BABAM2: variants seen among roughly 807,000 people sequenced by gnomAD.
BABAM2 encodes the protein BRISC and BRCA1 A complex member 2.
In BABAM2, 31 loss-of-function variants were observed where a neutral mutation model predicts 54.7. The observed-to-expected ratio is 0.57, with a 90% confidence interval of 0.43 to 0.77. The LOEUF (loss-of-function observed/expected upper bound fraction) is 0.77. Ranked by LOEUF, BABAM2 falls within the 30% of genes least tolerant of loss-of-function variation. BABAM2 has a pLI of 0.00. For synonymous variants in BABAM2, 167 were observed against 162.9 expected, an observed-to-expected ratio of 1.03 and a Z score of -0.19; for missense variants, 364 against 455.8, an observed-to-expected ratio of 0.80 and a Z score of 1.83.
At chr2:28,169,502 TG>T (rs1674079768) in intron 7 of BABAM2, among the ~76,000 whole-genome samples, 1 of 152,000 alleles carries the variant, frequency 6.6e-6, no homozygotes. Context: ...CCAGGCCAGG[TG>T]GGGTGGCTTA....
chr2:28,071,613 A>C (rs867709046), intron 6 of BABAM2, among the ~76,000 whole-genome samples: 10 of 152,188 alleles, frequency 6.6e-5, no homozygotes, highest in African/African-American at 2.4e-4. Flanking sequence ...TAATTTTATC[A>C]TTCTCTTTTC....
chr2:27,971,260 A>C (rs1250117749), intron 3 of BABAM2, among the ~76,000 whole-genome samples: 1 of 152,158 alleles, frequency 6.6e-6, no homozygotes, highest in African/African-American at 2.4e-5. Flanking sequence ...TGTCAGTGAT[A>C]GTACTTAACA....
chr2:28,315,679 G>A (rs2148293830), intron 11 of BABAM2, among the ~76,000 whole-genome samples: 1 of 149,998 alleles, frequency 6.7e-6, no homozygotes, highest in South Asian at 2.1e-4. Context: ...TTTTTTTAGA[G>A]GTGGAGTCTC....
Position 28,025,408 on chromosome 2 carries a change from A to G in BABAM2, c.483A>G (p.Lys161=), listed in dbSNP as rs1675580530. 6.4e-7 allele frequency: 1 copy of G among 1,571,396 alleles called. No homozygotes were observed. The highest frequency in any genetic ancestry group is 1.4e-5 in the African/African-American group (1 of 72,250). ...YGENMEIYAG[K]KNNWTGEFSA... is the part of the protein sequence containing the mutation. Reference sequence around the variant, plus strand: ...AGAACATGGAAATTTATGCTGGGAAAAAAAACAACTGGGTAAGGATTTTTG... The same window carrying G: ...AGAACATGGAAATTTATGCTGGGAAGAAAAACAACTGGGTAAGGATTTTTG... The change falls in exon 5 of 12, where the codon AAA becomes AAG. Residue 161 remains lysine (K), a synonymous_variant. Coordinates refer to ENST00000379624, the MANE Select transcript of BABAM2 (RefSeq NM_199191.3).
chr2:28,004,951 G>A (rs1016218639), intron 4 of BABAM2, among the ~76,000 whole-genome samples: 6 of 152,110 alleles, frequency 3.9e-5, no homozygotes. Context: ...TTTTTAAAAA[G>A]CAAAATGTGT....
At chr2:28,225,307 G>A (rs972696274) in intron 7 of BABAM2, among the ~76,000 whole-genome samples, 10 of 152,206 alleles carry the variant, frequency 6.6e-5, no homozygotes, top group Non-Finnish European at 1.5e-4. Flanking sequence ...AGGGAGGAAG[G>A]ATGGAGAGCA....
At chr2:28,021,926 G>A (rs995855479) in intron 4 of BABAM2, among the ~76,000 whole-genome samples, 3 of 152,032 alleles carry the variant, frequency 2.0e-5, no homozygotes, top group Non-Finnish European at 4.4e-5. Flanking sequence ...GTATCCTCGC[G>A]CATGTCTAAA....
chr2:27,977,446 C>G (rs573495809), intron 3 of BABAM2, among the ~76,000 whole-genome samples: 2 of 152,130 alleles, frequency 1.3e-5, no homozygotes, highest in African/African-American at 4.8e-5. Flanking sequence ...AAAATGGATT[C>G]TAAAATTTAG....
At chr2:28,238,875 T>C (rs766257668) in intron 8 of BABAM2, among the ~76,000 whole-genome samples, 10 of 152,328 alleles carry the variant, frequency 6.6e-5, no homozygotes, top group Non-Finnish European at 1.3e-4. Flanking sequence ...CCCAGAAATA[T>C]AAGAATCAGT....
At chr2:28,326,182 G>A (rs537833031) in intron 11 of BABAM2, among the ~76,000 whole-genome samples, 1 of 152,138 alleles carries the variant, frequency 6.6e-6, no homozygotes, top group Non-Finnish European at 1.5e-5. Context: ...TGTGAGCTTG[G>A]TGGTGACTCA....
intron 6 of BABAM2, among the ~76,000 whole-genome samples, chr2:28,099,383 T>C (rs1262440877): frequency 6.6e-6 from 1 of 151,760 alleles, no homozygotes; most frequent in African/African-American, 2.4e-5. Flanking sequence ...GACAACCTGG[T>C]TGTAGTGTGT....
chr2:28,206,612 C>T (rs1006156375), intron 7 of BABAM2, among the ~76,000 whole-genome samples: 11 of 152,154 alleles, frequency 7.2e-5, no homozygotes, highest in Non-Finnish European at 1.0e-4. Flanking sequence ...CTGGCCAAGT[C>T]TTGTGTCTTT....
intron 3 of BABAM2, among the ~76,000 whole-genome samples, chr2:27,946,702 GGAGA>G (rs937278341): frequency 1.3e-5 from 2 of 150,928 alleles, no homozygotes; most frequent in African/African-American, 2.4e-5. Context: ...GGAGAAGAGA[GGAGA>G]GAGAGAGAGA....
At chr2:28,200,733 T>C (rs1385638971) in intron 7 of BABAM2, among the ~76,000 whole-genome samples, 2 of 149,894 alleles carry the variant, frequency 1.3e-5, no homozygotes, top group Non-Finnish European at 3.0e-5. Context: ...TGCTATGTAC[T>C]AGTTTACCAG....
chr2:27,927,862 G>C (rs1280295099), intron 2 of BABAM2, among the ~76,000 whole-genome samples: 3 of 58,024 alleles, frequency 5.2e-5, no homozygotes. Context: ...TTTCTTTTTT[G>C]ATACAGAGTC....
chr2:28,293,504 G>C (rs1026848237), intron 10 of BABAM2, among the ~76,000 whole-genome samples: 3 of 152,204 alleles, frequency 2.0e-5, no homozygotes, highest in African/African-American at 7.2e-5. Context: ...ATGGTTGGCT[G>C]TTGTCTGGAG....
chr2:27,909,217 T>A (rs1301911252), intron 2 of BABAM2, among the ~76,000 whole-genome samples: 1 of 151,720 alleles, frequency 6.6e-6, no homozygotes, highest in Admixed American at 6.6e-5. Flanking sequence ...GGTGATTTGT[T>A]TATTTTTTGT....
chr2:28,283,744 T>C (rs1686572271), intron 10 of BABAM2, among the ~76,000 whole-genome samples: 1 of 152,226 alleles, frequency 6.6e-6, no homozygotes, highest in African/African-American at 2.4e-5. Context: ...CGTGTCTGAT[T>C]AGGCCTTGGT....
chr2:28,105,444 G>A (rs60129738), intron 6 of BABAM2, among the ~76,000 whole-genome samples: 9,503 of 152,236 alleles, frequency 0.062, 342 homozygotes, highest in East Asian at 0.15. Context: ...AATGAAGAGC[G>A]TGGTGCCATG....
Sources: gnomAD v4.1 joint callset for allele counts (sites outside exome capture counted in the v4.1 genomes callset) on GRCh38, gnomAD v4.1.1 for gene constraint, MANE v1.5 for transcripts, NCBI Gene and HGNC (gene_info 2026-07-23, HGNC 2026-07-21) for gene names.